Variants in CDIP1 observed in about 807,000 individuals in gnomAD.
The protein encoded by CDIP1 is cell death-inducing p53-target protein 1.
CDIP1 carries 9 observed loss-of-function variants against 17.7 expected under a neutral mutation model. The observed-to-expected ratio is 0.51, with a 90% CI of 0.31 to 0.89. The LOEUF (loss-of-function observed/expected upper bound fraction) is 0.89. Ranked by LOEUF, CDIP1 falls within the 40% of genes least tolerant of loss-of-function variation. The pLI, the probability that CDIP1 is intolerant of heterozygous loss-of-function variation, is 0.05. For synonymous variants in CDIP1, 117 were observed against 109.5 expected (o/e 1.07, Z -0.43); for missense variants, 263 against 277.9 (o/e 0.95, Z 0.38).
Position 4,512,965 on chromosome 16 carries a change from G to A in CDIP1, c.341C>T (p.Thr114Ile). 1 of 1,587,572 alleles carries A rather than the reference G, an allele frequency of 6.3e-7. No homozygotes were observed. Among genetic ancestry groups the A allele is most frequent in the Non-Finnish European group, 8.6e-7 (1 of 1,167,990 alleles). The change falls in exon 5 of 6, where the codon ACA (threonine) becomes ATA (isoleucine). Residue 114 changes from threonine (T) to isoleucine (I), a missense_variant. Thr to Ile is a moderately conservative substitution (Grantham distance 89). Transcript: ENST00000567695. The surrounding 1 kb of genome is among the most constrained non-coding windows in gnomAD (Gnocchi z 4.6). ...PYPGPGGHTA[T>I]VLVPSGAATT... ...GGCAGCTCCTGAAGGGACCAGGACT[G>A]TGGCTGTGTGGCCCCCAGGGCCAGG...
intron 1 of CDIP1, among the ~76,000 whole-genome samples, chr16:4,517,588 T>A (rs561617771): frequency 3.4e-4 from 52 of 151,700 alleles, no homozygotes; most frequent in South Asian, 8.3e-4. Flanking sequence ...AAAAGAAAAA[T>A]TTTTAAATTA....
In CDIP1 at chr16:4,514,070, T is replaced by A; in HGVS notation, c.61A>T (p.Lys21Ter). 1 of 1,530,468 alleles carries A rather than the reference T, an allele frequency of 6.5e-7. No individual in the cohort carries two copies. The highest frequency in any genetic ancestry group is 8.7e-7 in the Non-Finnish European group (1 of 1,148,518). The allele number at this position is 1,530,468 out of a possible 1,614,324, so 94.8% of individuals were successfully genotyped here. A position where few individuals can be genotyped will look rare whatever the true frequency, so the allele number is the denominator to read the frequency against. ...CCTGGGGTGGGCGGGGCTCCACTTT[T>A]CTCTTCCAGAAGTGGGGCTGTGGGG... ...GGPTAPLLEE[K>*]SGAPPTPGRS... is the part of the protein sequence containing the mutation. Residue 21 changes from lysine to a stop codon, truncating the protein, a stop_gained, in exon 3 of 6, where the codon AAA (lysine) becomes TAA (stop). Coordinates refer to ENST00000567695, the MANE Select transcript of CDIP1 (RefSeq NM_013399.3). LOFTEE classifies it high-confidence loss of function. The surrounding 1 kb of genome is among the most constrained non-coding windows in gnomAD (Gnocchi z 5.2).
At chr16:4,538,336 C>T (rs1567427718) in intron 1 of CDIP1, 2 of 152,362 alleles carry the variant, frequency 1.3e-5, no homozygotes, top group Non-Finnish European at 2.9e-5. Context: ...TCCAGAAGCC[C>T]GGTGCCCGAG....
chr16:4,515,477 G>A (rs928368760), intron 1 of CDIP1, among the ~76,000 whole-genome samples: 3 of 152,178 alleles, frequency 2.0e-5, no homozygotes, highest in African/African-American at 7.2e-5. Context: ...TAAAGTGGAT[G>A]TCATCAGAAT....
rs1210764620 is a variant in CDIP1 at position 4,511,146 on chromosome 16, G to C, written c.*1426C>G. On this transcript the variant is annotated 3_prime_UTR_variant, in exon 6 of 6. Coordinates refer to ENST00000567695, the MANE Select transcript of CDIP1 (RefSeq NM_013399.3). ...CCAGGGCTGGTCTACACCCGACTCT[G>C]GTTTGGTTTAATTAGGTCCTTACGT... 3.3e-5 allele frequency: 5 copies of C among 152,314 alleles called. No homozygotes were observed. Among genetic ancestry groups the C allele is most frequent in the Non-Finnish European group, 7.3e-5 (5 of 68,070 alleles). The allele number at this position is 152,314 out of a possible 1,614,324, so 9.4% of individuals were successfully genotyped here. A position where few individuals can be genotyped will look rare whatever the true frequency, so the allele number is the denominator to read the frequency against.
At position 4,513,717 on chromosome 16, in the gene CDIP1, C is replaced by G. The variant is rs745652579; in HGVS notation, c.220G>C (p.Asp74His). The change falls in exon 4 of 6, where the codon GAT becomes CAT. Residue 74 changes from aspartate to histidine, a missense_variant. Coordinates refer to ENST00000567695, the MANE Select transcript of CDIP1 (RefSeq NM_013399.3). The surrounding 1 kb of genome is among the most constrained non-coding windows in gnomAD (Gnocchi z 4.1). ...PGFIPPHMSA[D>H]GTYMPPGFYP... ...TCACCCGGAGGCATGTAGGTGCCAT[C>G]TGCACTCATGTGTGGTGGGATGAAG... 8.1e-6 allele frequency: 13 copies of G among 1,613,628 alleles called. No homozygotes were observed. In the East Asian group the frequency reaches 2.2e-4, roughly 28 times the overall value.
intron 1 of CDIP1, among the ~76,000 whole-genome samples, chr16:4,521,116 T>C (rs536526903): frequency 6.6e-6 from 1 of 152,218 alleles, no homozygotes; most frequent in Non-Finnish European, 1.5e-5. Context: ...GTGTACTGTG[T>C]GTGTGGTGGT....
intron 1 of CDIP1, among the ~76,000 whole-genome samples, chr16:4,530,605 C>T (rs559849727): frequency 1.3e-5 from 2 of 151,156 alleles, no homozygotes; most frequent in South Asian, 2.1e-4. Flanking sequence ...GCCGAGATTG[C>T]GCCAGTACAC....
chr16:4,532,195 AG>A (rs2059063499), intron 1 of CDIP1: 1 of 152,242 alleles, frequency 6.6e-6, no homozygotes, highest in Non-Finnish European at 1.5e-5. Context: ...CTTGGCTCTT[AG>A]GAAGATGAGA....
intron 1 of CDIP1, among the ~76,000 whole-genome samples, chr16:4,517,976 G>A (rs1380890890): frequency 6.6e-6 from 1 of 152,160 alleles, no homozygotes; most frequent in Non-Finnish European, 1.5e-5. Context: ...GCTCTCTGGC[G>A]CCTCTGGGTG....
Position 4,511,475 on chromosome 16 carries a change from C to A in CDIP1, c.*1097G>T, listed in dbSNP as rs17137100. 6.6e-6 allele frequency: 1 copy of A among 152,646 alleles called. No homozygotes were observed. The highest frequency in any genetic ancestry group is 6.5e-5 in the Admixed American group (1 of 15,286). The allele number at this position is 152,646 out of a possible 1,614,324, so 9.5% of individuals were successfully genotyped here. On this transcript the variant is annotated 3_prime_UTR_variant, in exon 6 of 6. Transcript: ENST00000567695. The stretch of plus-strand genomic sequence containing the variant: ...CAGGTGAGCAAGTTCACAAACCATT[C>A]AGGAAATAAAGACAGGGCGAGGCTG...
chr16:4,526,123 C>T (rs547671227), intron 1 of CDIP1, among the ~76,000 whole-genome samples: 1 of 152,258 alleles, frequency 6.6e-6, no homozygotes, highest in East Asian at 1.9e-4. Context: ...AGACACCAGC[C>T]TAGCCAGGCA....
chr16:4,531,801 C>T (rs561160461), intron 1 of CDIP1, among the ~76,000 whole-genome samples: 4 of 152,356 alleles, frequency 2.6e-5, no homozygotes, highest in Middle Eastern at 3.4e-3. Context: ...TGGGATCTCA[C>T]ACTCCCAATA....
chr16:4,535,199 A>G (rs2141663299), intron 1 of CDIP1, among the ~76,000 whole-genome samples: 1 of 152,184 alleles, frequency 6.6e-6, no homozygotes, highest in African/African-American at 2.4e-5. Flanking sequence ...CTGAATTCAG[A>G]CTTAATTAGC....
chr16:4,513,075 A>G lies in CDIP1; in HGVS notation c.242-11T>C. 6.3e-7 allele frequency: 1 copy of G among 1,578,812 alleles called. No homozygotes were observed. The highest frequency in any genetic ancestry group is 8.6e-7 in the Non-Finnish European group (1 of 1,167,524). ...GAGGAGGGTAGAAACCTGGAATGGC[A>G]CAGAAGATGGAGGCGAGAGGTCACT... is the stretch of plus-strand genomic sequence containing the variant. On this transcript the variant is annotated splice_polypyrimidine_tract_variant and intron_variant, in intron 4 of 5. Coordinates refer to ENST00000567695, the MANE Select transcript of CDIP1 (RefSeq NM_013399.3). This position sits in a 1 kb window ranked among gnomAD's most constrained non-coding sequence, Gnocchi z 4.1.
In CDIP1 at chr16:4,512,227, G is replaced by A. The variant is rs368536573; in HGVS notation, c.*345C>T. ...GGCTGCTGTTGGTCCCAGGGGGAAA[G>A]AGTCTGGACTGAACCTGTACCTTGT... On this transcript the variant is annotated 3_prime_UTR_variant, in exon 6 of 6. Coordinates refer to ENST00000567695, the MANE Select transcript of CDIP1 (RefSeq NM_013399.3). The surrounding 1 kb of genome is among the most constrained non-coding windows in gnomAD (Gnocchi z 4.6). The A allele has an allele frequency of 3.1e-6, 1 of 324,858 alleles. No homozygotes were observed. The highest frequency in any genetic ancestry group is 2.1e-5 in the African/African-American group (1 of 46,910). The allele number at this position is 324,858 out of a possible 1,614,324, so 20.1% of individuals were successfully genotyped here.
At chr16:4,518,417 T>A (rs1317863126) in intron 1 of CDIP1, among the ~76,000 whole-genome samples, 1 of 152,204 alleles carries the variant, frequency 6.6e-6, no homozygotes, top group Non-Finnish European at 1.5e-5. Flanking sequence ...TGCACAGGGC[T>A]GGCTTCCCCT....
chr16:4,525,456 G>A (rs1032356042), intron 1 of CDIP1, among the ~76,000 whole-genome samples: 2 of 152,152 alleles, frequency 1.3e-5, no homozygotes, highest in East Asian at 1.9e-4. Flanking sequence ...CAGGTGCCCA[G>A]CACAGGGACA....
chr16:4,535,439 C>G (rs841230), intron 1 of CDIP1, among the ~76,000 whole-genome samples: 146,940 of 152,358 alleles, frequency 0.96, 71,093 homozygotes, highest in East Asian at 1. Flanking sequence ...TCAGAATGCT[C>G]CTGGACCCCC....
Sources: allele counts gnomAD v4.1 joint callset (sites outside exome capture counted in the v4.1 genomes callset), GRCh38; gene constraint gnomAD v4.1.1; non-coding constraint Gnocchi (gnomAD v3.1); transcripts MANE v1.5; gene names NCBI Gene and HGNC (gene_info 2026-07-23, HGNC 2026-07-21).